Variants in ARL6IP6 observed in about 807,000 individuals in gnomAD.
ARL6IP6 encodes the protein ADP-ribosylation factor-like protein 6-interacting protein 6.
In ARL6IP6, 22 loss-of-function variants were observed where a neutral mutation model predicts 21.5. That is an observed-to-expected ratio of 1.02 (90% CI 0.73 to 1.46). The LOEUF (loss-of-function observed/expected upper bound fraction) is 1.46, where lower values mean the gene tolerates loss of function less well. Among genes scored for constraint, ARL6IP6 ranks in the 40% most tolerant of loss-of-function variants. ARL6IP6 has a pLI of 0.00. For synonymous variants in ARL6IP6, 164 were observed against 125.3 expected (o/e 1.31, Z -2.06); for missense variants, 388 against 299.8 (o/e 1.29, Z -2.17).
intron 3 of ARL6IP6, among the ~76,000 whole-genome samples, chr2:152,742,049 C>T (rs146166901): frequency 6.6e-4 from 100 of 152,290 alleles, no homozygotes; most frequent in Middle Eastern, 6.8e-3. Flanking sequence ...CCTGCTTCTT[C>T]TACACTACCT....
chr2:152,752,252 A>G (rs1701369796), intron 3 of ARL6IP6, among the ~76,000 whole-genome samples: 1 of 152,184 alleles, frequency 6.6e-6, no homozygotes, highest in Admixed American at 6.5e-5. Context: ...GAGTATGGAA[A>G]TAAAAAGTCA....
chr2:152,756,684 T>C (rs879936475), intron 3 of ARL6IP6, among the ~76,000 whole-genome samples: 2 of 152,172 alleles, frequency 1.3e-5, no homozygotes, highest in African/African-American at 2.4e-5. Flanking sequence ...GGTCAGTAAG[T>C]ACATTAATCA....
intron 3 of ARL6IP6, among the ~76,000 whole-genome samples, chr2:152,758,322 A>G (rs544897598): frequency 6.6e-6 from 1 of 152,008 alleles, no homozygotes; most frequent in South Asian, 2.1e-4. Context: ...AATATATTCT[A>G]CCTGCTTGGT....
intron 2 of ARL6IP6, among the ~76,000 whole-genome samples, chr2:152,723,380 G>A (rs1015097300): frequency 2.6e-5 from 4 of 152,200 alleles, no homozygotes; most frequent in African/African-American, 9.6e-5. Context: ...GTAGCCAAAT[G>A]TAATAATGTT....
chr2:152,747,412 G>A (rs2105165917), intron 3 of ARL6IP6, among the ~76,000 whole-genome samples: 1 of 152,180 alleles, frequency 6.6e-6, no homozygotes. Flanking sequence ...CTCAATTTTA[G>A]TTCAGGTATT....
chr2:152,748,170 G>T (rs555956572), intron 3 of ARL6IP6, among the ~76,000 whole-genome samples: 4 of 152,290 alleles, frequency 2.6e-5, no homozygotes, highest in Admixed American at 2.6e-4. Flanking sequence ...TAGCAAAGAA[G>T]TGAAATTAGG....
intron 2 of ARL6IP6, among the ~76,000 whole-genome samples, chr2:152,734,693 A>G (rs745870889): frequency 2.0e-5 from 3 of 152,100 alleles, no homozygotes; most frequent in Non-Finnish European, 4.4e-5. Flanking sequence ...TGTTTTGACC[A>G]TGTTTTCTGT....
intron 2 of ARL6IP6, among the ~76,000 whole-genome samples, chr2:152,732,964 CTG>C (rs143955930): frequency 0.042 from 6,311 of 151,862 alleles, 278 homozygotes; most frequent in African/African-American, 0.11. Context: ...ATAGGAAGGG[CTG>C]ACTGTATATA....
At chr2:152,722,567 G>A (rs1012097583) in intron 2 of ARL6IP6, among the ~76,000 whole-genome samples, 2 of 152,174 alleles carry the variant, frequency 1.3e-5, no homozygotes, top group Non-Finnish European at 2.9e-5. Context: ...TTAAAAATCT[G>A]TTTCAGTGAA....
intron 2 of ARL6IP6, among the ~76,000 whole-genome samples, chr2:152,724,876 T>G (rs1699964742): frequency 6.8e-6 from 1 of 147,366 alleles, no homozygotes; most frequent in Non-Finnish European, 1.5e-5. Flanking sequence ...ACCACTGGCC[T>G]AGTAGTTCCC....
Position 152,754,296 on chromosome 2 carries a change from A to G in ARL6IP6, c.588-5451A>G, listed in dbSNP as rs1701476435. On this transcript the variant is annotated intron_variant, in intron 3 of 3. Transcript: ENST00000326446. Reference sequence around the variant, plus strand: ...GATTTGCCTATTCTGGACATTTCATATAAATGGAATCGTACAGATTTTTTT... The same window carrying G: ...GATTTGCCTATTCTGGACATTTCATGTAAATGGAATCGTACAGATTTTTTT... 2.0e-5 allele frequency among the ~76,000 whole-genome samples: 3 copies of G among 151,240 alleles called. No individual in the cohort carries two copies. In the South Asian group the frequency reaches 6.4e-4, roughly 32 times the overall value.
At chr2:152,735,874 G>A (rs540823347) in intron 3 of ARL6IP6, among the ~76,000 whole-genome samples, 1 of 152,216 alleles carries the variant, frequency 6.6e-6, no homozygotes, top group Non-Finnish European at 1.5e-5. Flanking sequence ...TGGACAGGTT[G>A]TAGAGATAAA....
chr2:152,741,652 T>C lies in ARL6IP6; in HGVS notation c.587+6526T>C, dbSNP rs564828762. Among the ~76,000 whole-genome samples the C allele has an allele frequency of 3.9e-5, 6 of 152,320 alleles. No individual in the cohort carries two copies. The East Asian group carries it at 1.2e-3, about 29-fold the overall frequency. ...TTCAAATTTTTTATGTTTACTGTTATATATTAGATAAATCTTAGCAATTTT... is the reference window on the plus strand; with the variant it reads ...TTCAAATTTTTTATGTTTACTGTTACATATTAGATAAATCTTAGCAATTTT... On this transcript the variant is annotated intron_variant, in intron 3 of 3. Coordinates refer to ENST00000326446, the MANE Select transcript of ARL6IP6 (RefSeq NM_152522.7).
chr2:152,758,152 C>G (rs1701671984), intron 3 of ARL6IP6, among the ~76,000 whole-genome samples: 1 of 152,108 alleles, frequency 6.6e-6, no homozygotes, highest in Non-Finnish European at 1.5e-5. Context: ...TGCATATAAC[C>G]TAAGCATATC....
In ARL6IP6 at chr2:152,760,856, A is replaced by G. The variant is rs192288161; in HGVS notation, c.*1016A>G. ...AAGGTATTTTGATACTAGATATTAA[A>G]AACTACATATAGTTAATATAATTTT... On this transcript the variant is annotated 3_prime_UTR_variant, in exon 4 of 4. Transcript: ENST00000326446. 83 of 152,166 alleles carry G rather than the reference A, an allele frequency of 5.5e-4. No homozygotes were observed. Among genetic ancestry groups the G allele is most frequent in the African/African-American group, 1.9e-3 (77 of 41,560 alleles). The allele number at this position is 152,166 out of a possible 1,614,324, so 9.4% of individuals were successfully genotyped here. A position where few individuals can be genotyped will look rare whatever the true frequency, so the allele number is the denominator to read the frequency against.
At chr2:152,735,827 T>TA (rs966755125) in intron 3 of ARL6IP6, among the ~76,000 whole-genome samples, 1 of 21,844 alleles carries the variant, frequency 4.6e-5, no homozygotes, top group Admixed American at 4.2e-4. Flanking sequence ...GTTATTCTAA[T>TA]ACTTACTATT....
rs891887433 is a variant in ARL6IP6 at position 152,761,335 on chromosome 2, A to G, written c.*1495A>G. The stretch of plus-strand genomic sequence containing the variant: ...TGGTGGTTGCCATCAGTCTATTTTC[A>G]CTCCCTGCCTTCCTTCCTGCACGCT... On this transcript the variant is annotated 3_prime_UTR_variant, in exon 4 of 4. Transcript: ENST00000326446. The G allele has an allele frequency of 2.6e-5, 4 of 151,052 alleles. No individual in the cohort carries two copies. Among genetic ancestry groups the G allele is most frequent in the African/African-American group, 7.3e-5 (3 of 41,048 alleles). 9.4% of individuals were successfully genotyped at this position (151,052 alleles called of 1,614,324 possible). A position where few individuals can be genotyped will look rare whatever the true frequency, so the allele number is the denominator to read the frequency against.
At chr2:152,748,297 G>A (rs1453279202) in intron 3 of ARL6IP6, among the ~76,000 whole-genome samples, 1 of 152,176 alleles carries the variant, frequency 6.6e-6, no homozygotes, top group African/African-American at 2.4e-5. Flanking sequence ...AGGACAAAAG[G>A]ATATAATAAA....
chr2:152,750,500 G>A lies in ARL6IP6; in HGVS notation c.588-9247G>A, dbSNP rs575353905. Among the ~76,000 whole-genome samples, 60 of 151,372 alleles carry A rather than the reference G, an allele frequency of 4.0e-4. 1 individual carries two copies. The highest frequency in any genetic ancestry group is 1.3e-3 in the African/African-American group (53 of 41,288). ...AAAAAAAAAAAAAAAGAGAGAGAGAGAGAGAAAGGAAGGGAGGGAGGGCGG... is the reference window on the plus strand; with the variant it reads ...AAAAAAAAAAAAAAAGAGAGAGAGAAAGAGAAAGGAAGGGAGGGAGGGCGG... On this transcript the variant is annotated intron_variant, in intron 3 of 3. Coordinates refer to ENST00000326446, the MANE Select transcript of ARL6IP6 (RefSeq NM_152522.7).
Sources: gnomAD v4.1 joint callset for allele counts (sites outside exome capture counted in the v4.1 genomes callset) on GRCh38, gnomAD v4.1.1 for gene constraint, MANE v1.5 for transcripts, NCBI Gene and HGNC (gene_info 2026-07-23, HGNC 2026-07-21) for gene names.